SREBF2: variants seen among roughly 807,000 people sequenced by gnomAD.
SREBF2 encodes the protein sterol regulatory element binding transcription factor 2.
A neutral mutation model predicts 113.1 loss-of-function variants in SREBF2; 55 were observed. The observed-to-expected ratio is 0.49, with a 90% CI of 0.39 to 0.61. The LOEUF is 0.61. Ranked by LOEUF, SREBF2 falls within the 20% of genes least tolerant of loss-of-function variation. SREBF2 has a pLI of 0.00. For missense variants in SREBF2, 1,349 were observed against 1,487.4 expected (o/e 0.91, Z 1.53); for synonymous variants, 593 against 605.7 (o/e 0.98, Z 0.31).
Position 41,898,656 on chromosome 22 carries a change from C to G in SREBF2, c.2613C>G (p.Asp871Glu). The stretch of plus-strand genomic sequence containing the variant: ...GGTGCTGTTCTCCTCTAGGTCCAGA[C>G]ATCATCTGTCGGTGGTGGACGTCTG... The part of the protein sequence containing the change: ...SSVLKSALGP[D>E]IICRWWTSAI... The change falls in exon 15 of 19, where the codon GAC (aspartate) becomes GAG (glutamate). Residue 871 changes from aspartate (D) to glutamate (E), a missense_variant. This residue lies in a region of SREBF2 where 650 missense variants were observed against 644.1 expected (regional missense o/e 1.01). Transcript: ENST00000361204. The G allele has an allele frequency of 6.2e-7, 1 of 1,614,038 alleles. No individual in the cohort carries two copies. The highest frequency in any genetic ancestry group is 1.1e-5 in the South Asian group (1 of 91,066).
At chr22:41,864,703 C>T (rs1413295152) in intron 1 of SREBF2, among the ~76,000 whole-genome samples, 1 of 151,926 alleles carries the variant, frequency 6.6e-6, no homozygotes, top group African/African-American at 2.4e-5. Flanking sequence ...TGCCTGTAGT[C>T]CCAGCACTTT....
intron 16 of SREBF2, among the ~76,000 whole-genome samples, chr22:41,901,628 T>C (rs966142355): frequency 4.6e-5 from 7 of 152,114 alleles, no homozygotes; most frequent in African/African-American, 1.7e-4. Context: ...ACCACTGCAC[T>C]CCAGCCTGGG....
At chr22:41,886,325 G>A (rs1265314856) in intron 11 of SREBF2, 2 of 152,156 alleles carry the variant, frequency 1.3e-5, no homozygotes, top group African/African-American at 4.8e-5. Flanking sequence ...TCCTGAGCTG[G>A]TCTTGGGGGA....
chr22:41,866,419 G>A (rs987334082), intron 1 of SREBF2, among the ~76,000 whole-genome samples: 3 of 152,250 alleles, frequency 2.0e-5, no homozygotes, highest in South Asian at 4.1e-4. Flanking sequence ...GCATGGTGCC[G>A]TGCACCTATA....
chr22:41,879,579 T>A (rs1187770965), intron 9 of SREBF2, among the ~76,000 whole-genome samples: 1 of 152,200 alleles, frequency 6.6e-6, no homozygotes, highest in African/African-American at 2.4e-5. Flanking sequence ...TCCTTTGGAA[T>A]CTGCAAATGC....
intron 11 of SREBF2, among the ~76,000 whole-genome samples, chr22:41,890,492 A>G (rs1009301390): frequency 6.6e-6 from 1 of 152,116 alleles, no homozygotes; most frequent in Non-Finnish European, 1.5e-5. Flanking sequence ...AGGGGACACA[A>G]CCTGGGGTTG....
chr22:41,837,858 CA>C (rs35054500), intron 1 of SREBF2, among the ~76,000 whole-genome samples: 42,081 of 102,778 alleles, frequency 0.41, 6,530 homozygotes, highest in Non-Finnish European at 0.46. Flanking sequence ...GACTCTGTCT[CA>C]AAAAAAAAAA....
In SREBF2 at chr22:41,905,472, C is replaced by T. The variant is rs771552835; in HGVS notation, c.3238C>T (p.Arg1080Trp). ...EVDAWPGQRE[R>W]ATAILLACRH... ...GGATGCCTGGCCCGGCCAGCGAGAG[C>T]GGGCCACCGCCATCCTGCTGGCCTG... The change falls in exon 19 of 19, where the codon CGG becomes TGG. Residue 1080 changes from arginine (R) to tryptophan (W), a missense_variant. Physicochemically the swap from Arg to Trp is moderately radical, Grantham distance 101. This residue lies in a region of SREBF2 where 650 missense variants were observed against 644.1 expected (regional missense o/e 1.01). Transcript: ENST00000361204. The T allele has an allele frequency of 2.5e-5, 39 of 1,578,130 alleles. No individual in the cohort carries two copies. Among genetic ancestry groups the T allele is most frequent in the South Asian group, 8.1e-5 (7 of 86,266 alleles).
At chr22:41,841,562 T>C (rs1318967266) in intron 1 of SREBF2, among the ~76,000 whole-genome samples, 1 of 152,266 alleles carries the variant, frequency 6.6e-6, no homozygotes, top group Non-Finnish European at 1.5e-5. Flanking sequence ...TCTTGAATGC[T>C]GCTTGCCTCT....
intron 1 of SREBF2, among the ~76,000 whole-genome samples, chr22:41,859,951 G>A (rs554421102): frequency 6.6e-6 from 1 of 151,450 alleles, no homozygotes; most frequent in Non-Finnish European, 1.5e-5. Flanking sequence ...GACTACAGGC[G>A]CCCGCCACCA....
intron 7 of SREBF2, among the ~76,000 whole-genome samples, chr22:41,875,941 G>T (rs943215415): frequency 1.3e-5 from 2 of 152,216 alleles, no homozygotes; most frequent in Non-Finnish European, 2.9e-5. Flanking sequence ...GGTCCTTGCC[G>T]ATAGGCCCCG....
chr22:41,855,032 A>C (rs921907472), intron 1 of SREBF2, among the ~76,000 whole-genome samples: 20 of 152,092 alleles, frequency 1.3e-4, no homozygotes, highest in African/African-American at 4.6e-4. Flanking sequence ...AAAAAAAAAA[A>C]AAACTTACTA....
At chr22:41,872,747 C>T (rs921354289) in intron 4 of SREBF2, among the ~76,000 whole-genome samples, 1 of 150,770 alleles carries the variant, frequency 6.6e-6, no homozygotes, top group Non-Finnish European at 1.5e-5. Flanking sequence ...AAAAATGAGC[C>T]AGGTGTGGTG....
At position 41,867,044 on chromosome 22, in the gene SREBF2, C is replaced by T; in HGVS notation, c.302C>T (p.Ser101Phe). The part of the protein sequence containing the change: ...SFTQVTLPSF[S>F]PSAASPQAPT... Reference sequence around the variant, plus strand: ...ACCCAGGTCACATTACCTTCCTTCTCTCCCTCGGCGGCCTCCCCACAGGCT... The same window carrying T: ...ACCCAGGTCACATTACCTTCCTTCTTTCCCTCGGCGGCCTCCCCACAGGCT... The change falls in exon 2 of 19, where the codon TCT (serine) becomes TTT (phenylalanine). Residue 101 changes from serine to phenylalanine, a missense_variant. Transcript: ENST00000361204. 1 of 1,614,212 alleles carries T rather than the reference C, an allele frequency of 6.2e-7. No homozygotes were observed. Among genetic ancestry groups the T allele is most frequent in the Non-Finnish European group, 8.5e-7 (1 of 1,180,046 alleles).
At chr22:41,863,585 T>C (rs967934366) in intron 1 of SREBF2, among the ~76,000 whole-genome samples, 6 of 152,366 alleles carry the variant, frequency 3.9e-5, no homozygotes, top group African/African-American at 1.4e-4. Context: ...CATTTCTCAG[T>C]TTAATCATGT....
In SREBF2 at chr22:41,893,162, A is replaced by C; in HGVS notation, c.2254A>C (p.Ser752Arg). ...CCAGAGCCTGTGTGGCCCCGAGCAC[A>C]GTGCTGTTCCTGACTCCCTGCGCTG... ...RAQSLCGPEH[S>R]AVPDSLRWLC... Residue 752 changes from serine to arginine, a missense_variant, in exon 12 of 19, where the codon AGT (serine) becomes CGT (arginine). Coordinates refer to ENST00000361204, the MANE Select transcript of SREBF2 (RefSeq NM_004599.4). 1.2e-6 allele frequency: 2 copies of C among 1,614,124 alleles called. No individual in the cohort carries two copies. The highest frequency in any genetic ancestry group is 1.7e-6 in the Non-Finnish European group (2 of 1,180,040).
rs1401502859 is a variant in SREBF2 at position 41,878,062 on chromosome 22, A to G, written c.1700A>G (p.His567Arg). 7.4e-6 allele frequency: 12 copies of G among 1,613,820 alleles called. No individual in the cohort carries two copies. The highest frequency in any genetic ancestry group is 1.1e-5 in the South Asian group (1 of 91,054). ...CATGGGGAGCCAGTGATCCGGCCAC[A>G]CTCGCGCTCCTCGGTCACCTTCTGG... ...LVHGEPVIRPHSRSSVTFWRH... is the reference protein window; with the variant it reads ...LVHGEPVIRPRSRSSVTFWRH... Residue 567 changes from histidine (H) to arginine (R), a missense_variant, in exon 9 of 19, where the codon CAC (histidine) becomes CGC (arginine). Transcript: ENST00000361204.
In SREBF2 at chr22:41,897,060, C is replaced by T. The variant is rs147146952; in HGVS notation, c.2504C>T (p.Ser835Phe). ...GDQEEESCEF[S>F]SALEYLKLLH... Reference sequence around the variant, plus strand: ...CTTTCTTTTCTTCCTAGTGAATTCTCCAGTGCTCTGGAGTACTTGAAATTA... The same window carrying T: ...CTTTCTTTTCTTCCTAGTGAATTCTTCAGTGCTCTGGAGTACTTGAAATTA... Residue 835 changes from serine to phenylalanine, a missense_variant, in exon 14 of 19, where the codon TCC becomes TTC. Around this residue, in one of 2 missense-constraint regions of SREBF2, gnomAD observed 650 missense variants for 644.1 expected, o/e 1.01. Coordinates refer to ENST00000361204, the MANE Select transcript of SREBF2 (RefSeq NM_004599.4). 3.7e-5 allele frequency: 59 copies of T among 1,611,788 alleles called. No individual in the cohort carries two copies. In the Middle Eastern group the frequency reaches 5.1e-4, roughly 14 times the overall value.
rs757995569 is a variant in SREBF2 at position 41,903,154 on chromosome 22, A to G, written c.3092A>G (p.Lys1031Arg). ...LAHSFRPAYR[K>R]VFLHEATVRL... ...CACAGCTTCCGCCCAGCATACCGCA[A>G]GGTGAGGCCCAGCTGGCTGGTGGGG... The change falls in exon 17 of 19, where the codon AAG becomes AGG. Residue 1031 changes from lysine (K) to arginine (R), a missense_variant and splice_region_variant. By Grantham distance (26) the Lys-to-Arg change is conservative. Coordinates refer to ENST00000361204, the MANE Select transcript of SREBF2 (RefSeq NM_004599.4). The G allele has an allele frequency of 5.5e-5, 86 of 1,551,044 alleles. No homozygotes were observed. Among genetic ancestry groups the G allele is most frequent in the Non-Finnish European group, 5.1e-5 (59 of 1,147,736 alleles).
Sources: gnomAD v4.1 joint callset for allele counts (sites outside exome capture counted in the v4.1 genomes callset) on GRCh38, gnomAD v4.1.1 for gene constraint, gnomAD v4.1.1 regional missense constraint, MANE v1.5 for transcripts, NCBI Gene and HGNC (gene_info 2026-07-23, HGNC 2026-07-21) for gene names.